Variants in CEP72 observed in about 807,000 individuals in gnomAD.
CEP72 encodes centrosomal protein of 72 kDa.
A neutral mutation model predicts 65.7 loss-of-function variants in CEP72; 78 were observed. The observed-to-expected ratio is 1.19, with a 90% CI of 0.99 to 1.43. The LOEUF is 1.43. Ranked by LOEUF, CEP72 falls within the 40% of genes most tolerant of loss-of-function variation. CEP72 has a pLI of 0.00. For synonymous variants in CEP72, 358 were observed against 351.7 expected, an observed-to-expected ratio of 1.02 and a Z score of -0.20; for missense variants, 914 against 832.9, an observed-to-expected ratio of 1.10 and a Z score of -1.20.
At chr5:656,336 TGTTTG>T (rs369708312), downstream of CEP72, among the ~76,000 whole-genome samples, 130 of 152,366 alleles carry the variant, frequency 8.5e-4, no homozygotes, top group African/African-American at 2.9e-3. Flanking sequence ...GTTGGGATTT[TGTTTG>T]GGATTGTGTT....
chr5:644,525 A>T (rs1738286379), intron 10 of CEP72, 100 bp downstream of exon 10: 2 of 1,376,816 alleles, frequency 1.5e-6, no homozygotes, highest in African/African-American at 2.9e-5. Flanking sequence ...AGTGAGCAGC[A>T]GCAGACGCAG....
chr5:612,864 C>T (rs1455004973), intron 1 of CEP72, among the ~76,000 whole-genome samples: 1 of 152,190 alleles, frequency 6.6e-6, no homozygotes, highest in Non-Finnish European at 1.5e-5. Context: ...TTCTTTTTGG[C>T]TTATTTTTGT....
chr5:674,257 G>A, the CEP72 span, among the ~76,000 whole-genome samples: 2 of 152,210 alleles, frequency 1.3e-5, no homozygotes, highest in Non-Finnish European at 2.9e-5. Flanking sequence ...GTGTCCACAC[G>A]CCCGAGCCTG....
intron 3 of CEP72, among the ~76,000 whole-genome samples, chr5:622,691 A>G (rs1382236814): frequency 6.6e-6 from 1 of 152,176 alleles, no homozygotes. Flanking sequence ...TGGCCACCTG[A>G]GAGCCTGGCT....
intron 4 of CEP72, 88 bp from the exon 5 acceptor site, chr5:633,681 C>G (rs1001443336): frequency 7.0e-6 from 9 of 1,276,662 alleles, no homozygotes; most frequent in South Asian, 1.3e-5. Context: ...TCTCAGAGAC[C>G]GTGCAGGAAT....
chr5:620,413 C>T (rs1266521653), intron 3 of CEP72, 152 bp downstream of exon 3: 9 of 677,632 alleles, frequency 1.3e-5, no homozygotes, highest in Non-Finnish European at 2.3e-5. Context: ...TGAGTTCCTG[C>T]AGACACACAG....
At chr5:648,480 G>A (rs557313999) in intron 11 of CEP72, among the ~76,000 whole-genome samples, 7 of 140,712 alleles carry the variant, frequency 5.0e-5, no homozygotes, top group Admixed American at 7.5e-5. Context: ...GTGACTGTGA[G>A]GTATGACTGT....
intron 4 of CEP72, among the ~76,000 whole-genome samples, chr5:626,734 C>T (rs1328592210): frequency 6.6e-6 from 1 of 152,098 alleles, no homozygotes; most frequent in Admixed American, 6.5e-5. Context: ...GGCAGGAAGA[C>T]CCCCTGAGCC....
rs376953755 is a variant in CEP72, at chr5:623,435, G to C, written c.404-1036G>C. Among the ~76,000 whole-genome samples, 3 of 152,388 alleles carry C rather than the reference G, an allele frequency of 2.0e-5. No homozygotes were observed. Among genetic ancestry groups the C allele is most frequent in the South Asian group, 4.1e-4 (2 of 4,832 alleles). ...GCAAGGGCCTGCGTGTGGGATGGAG[G>C]CGGCGTCTGGAGAGACCTTGCCAGC... On this transcript the variant is annotated intron_variant, in intron 3 of 11. Coordinates refer to ENST00000264935, the MANE Select transcript of CEP72 (RefSeq NM_018140.4). The surrounding 1 kb of genome is among the most constrained non-coding windows in gnomAD (Gnocchi z 5.3).
chr5:616,759 C>T (rs1014008941), intron 1 of CEP72, among the ~76,000 whole-genome samples: 11 of 151,972 alleles, frequency 7.2e-5, no homozygotes, highest in South Asian at 2.1e-4. Context: ...TCTCACACCC[C>T]GGTGCTGGCT....
Position 631,947 on chromosome 5 carries a change from G to A in CEP72, c.513-1822G>A, listed in dbSNP as rs1310227099. On this transcript the variant is annotated intron_variant, in intron 4 of 11. Transcript: ENST00000264935. Reference sequence around the variant, plus strand: ...TCCTGGTGGGGTTCTGTCCAGCGCCGGGATTTGGCCCAGTCCTGGTGGGGT... The same window carrying A: ...TCCTGGTGGGGTTCTGTCCAGCGCCAGGATTTGGCCCAGTCCTGGTGGGGT... Among the ~76,000 whole-genome samples the A allele has an allele frequency of 1.5e-4, 6 of 39,956 alleles. 1 individual carries two copies. The highest frequency in any genetic ancestry group is 2.8e-4 in the Non-Finnish European group (6 of 21,584). 26.2% of individuals were successfully genotyped at this position (39,956 alleles called of 152,430 possible).
At chr5:642,641 A>G (rs1389545581) in intron 9 of CEP72, 1 of 985,244 alleles carries the variant, frequency 1.0e-6, no homozygotes, top group African/African-American at 1.7e-5. Flanking sequence ...AGTTTGCCTA[A>G]CCCCTGCAGT....
In CEP72 at chr5:619,542, T is replaced by A. The variant is rs200767489; in HGVS notation, c.210+425T>A. On this transcript the variant is annotated intron_variant, in intron 2 of 11. Transcript: ENST00000264935. ...ATGCCTGAGCATTATGGAGGCTGCG[T>A]CTGCATGGCCTGATTGGCCCGGACA... 9.9e-5 allele frequency among the ~76,000 whole-genome samples: 15 copies of A among 151,470 alleles called. No homozygotes were observed. The East Asian group carries it at 2.9e-3, about 30-fold the overall frequency.
downstream of CEP72, among the ~76,000 whole-genome samples, chr5:655,229 G>T (rs1739342113): frequency 6.6e-6 from 1 of 151,824 alleles, no homozygotes; most frequent in African/African-American, 2.4e-5. This position sits in a 1 kb window ranked among gnomAD's most constrained non-coding sequence, Gnocchi z 5.0. Context: ...CATGGTGGTG[G>T]GCACCTGTAG....
intron 11 of CEP72, among the ~76,000 whole-genome samples, chr5:649,609 GGACTGTGAGGCGTGGACTGTGAGGTGT>G (rs1259394374): frequency 8.2e-5 from 1 of 12,238 alleles, no homozygotes; most frequent in African/African-American, 2.4e-4. Context: ...TGTGAGGCGT[GGACTGTGAGGCGTGGACTGTGAGGTGT>G]GACTGTGAGG....
intron 9 of CEP72, chr5:641,648 T>G (rs1738035953): frequency 3.1e-6 from 3 of 980,470 alleles, no homozygotes; most frequent in South Asian, 4.8e-5. Flanking sequence ...CATGTGGGCC[T>G]CCTCCATCTG....
chr5:619,672 A>C lies in CEP72; in HGVS notation c.211-397A>C, dbSNP rs375996051. On this transcript the variant is annotated intron_variant, in intron 2 of 11. Transcript: ENST00000264935. ...TCCAAGTCAGATGCGGACCTAGCCC[A>C]GGCTACACCCAGTGCTGCCTCATCT... Among the ~76,000 whole-genome samples, 6 of 152,356 alleles carry C rather than the reference A, an allele frequency of 3.9e-5. No homozygotes were observed. The East Asian group carries it at 1.2e-3, about 29-fold the overall frequency.
At chr5:670,127 C>T (rs1044680573), downstream of CEP72, among the ~76,000 whole-genome samples, 9 of 152,160 alleles carry the variant, frequency 5.9e-5, no homozygotes, top group African/African-American at 1.7e-4. Context: ...CACTGGGACC[C>T]GGCCTGGGGC....
intron 4 of CEP72, among the ~76,000 whole-genome samples, chr5:625,179 G>A (rs956987491): frequency 5.3e-5 from 8 of 152,204 alleles, no homozygotes; most frequent in Admixed American, 6.5e-5. Flanking sequence ...TAGTATCTGC[G>A]TGTATCCCAA....
Sources: allele counts gnomAD v4.1 joint callset (sites outside exome capture counted in the v4.1 genomes callset), GRCh38; gene constraint gnomAD v4.1.1; non-coding constraint Gnocchi (gnomAD v3.1); transcripts MANE v1.5; gene names NCBI Gene and HGNC (gene_info 2026-07-23, HGNC 2026-07-21).